STOX2: variants seen among roughly 807,000 people sequenced by gnomAD.
STOX2 encodes storkhead-box protein 2.
STOX2 carries 28 observed loss-of-function variants against 60.9 expected under a neutral mutation model. The observed-to-expected ratio is 0.46, with a 90% CI of 0.34 to 0.63. The LOEUF (loss-of-function observed/expected upper bound fraction) is 0.63, where lower values mean the gene tolerates loss of function less well. Ranked by LOEUF, STOX2 falls within the 30% of genes least tolerant of loss-of-function variation. The pLI is 0.01. For missense variants in STOX2, 1,024 were observed against 1,187.7 expected, an observed-to-expected ratio of 0.86 and a Z score of 2.03; for synonymous variants, 472 against 463.9, an observed-to-expected ratio of 1.02 and a Z score of -0.22.
intron 1 of STOX2, among the ~76,000 whole-genome samples, chr4:183,859,260 A>G (rs1046099674): frequency 3.3e-5 from 5 of 152,268 alleles, no homozygotes; most frequent in Non-Finnish European, 5.9e-5. Flanking sequence ...AGGTCTTGGG[A>G]CTGAAGAGGT....
chr4:184,012,451 A>C (rs1734208352), intron 3 of STOX2, among the ~76,000 whole-genome samples: 1 of 152,246 alleles, frequency 6.6e-6, no homozygotes, highest in Non-Finnish European at 1.5e-5. Context: ...ATTATTAAGA[A>C]TTAAAATTAA....
At chr4:183,859,003 T>G (rs1740367459) in intron 1 of STOX2, among the ~76,000 whole-genome samples, 1 of 152,200 alleles carries the variant, frequency 6.6e-6, no homozygotes, top group East Asian at 1.9e-4. Flanking sequence ...CCTATGGCCC[T>G]CTGCCACCCG....
intron 1 of STOX2, among the ~76,000 whole-genome samples, chr4:183,929,957 G>A (rs532440855): frequency 6.6e-6 from 1 of 151,674 alleles, no homozygotes; most frequent in Non-Finnish European, 1.5e-5. Context: ...TCCGCCTCCC[G>A]GGTTCACGCC....
intron 1 of STOX2, among the ~76,000 whole-genome samples, chr4:183,990,206 A>T (rs1257505842): frequency 2.6e-5 from 4 of 152,060 alleles, no homozygotes; most frequent in African/African-American, 9.7e-5. Flanking sequence ...ATGTCCTCAC[A>T]CCCATCAATT....
chr4:183,918,254 C>T (rs1007701568), intron 1 of STOX2, among the ~76,000 whole-genome samples: 1 of 152,218 alleles, frequency 6.6e-6, no homozygotes, highest in Non-Finnish European at 1.5e-5. Context: ...AGGAAATTCA[C>T]AGAATTATTC....
intron 1 of STOX2, among the ~76,000 whole-genome samples, chr4:183,936,007 G>A (rs1212854450): frequency 1.3e-5 from 2 of 152,166 alleles, no homozygotes; most frequent in African/African-American, 2.4e-5. Flanking sequence ...TGTATTTCAC[G>A]ACATTCGTGG....
In STOX2 at chr4:184,009,274, A is replaced by G. The variant is rs201066279; in HGVS notation, c.436A>G (p.Ile146Val). The change falls in exon 3 of 4, where the codon ATA (isoleucine) becomes GTA (valine). Residue 146 changes from isoleucine to valine, a missense_variant. Ile to Val is a conservative substitution (Grantham distance 29). Around this residue, in one of 3 missense-constraint regions of STOX2, gnomAD observed 922 missense variants for 1,058.3 expected, o/e 0.87. Transcript: ENST00000308497. The surrounding 1 kb of genome is among the most constrained non-coding windows in gnomAD (Gnocchi z 4.0). ...CATCGTGACCCCACAGACTTATTTC[A>G]TAACTCCTTCCCTCATAAGAACTAA... is the stretch of plus-strand genomic sequence containing the variant. ...YFIVTPQTYF[I>V]TPSLIRTNSK... 6 of 1,613,696 alleles carry G rather than the reference A, an allele frequency of 3.7e-6. No individual in the cohort carries two copies. The Admixed American group carries it at 5.0e-5, about 13-fold the overall frequency.
Position 183,906,547 on chromosome 4 carries a change from C to A in STOX2, c.-244C>A. 1 of 267,526 alleles carries A rather than the reference C, an allele frequency of 3.7e-6. No homozygotes were observed. The highest frequency in any genetic ancestry group is 1.5e-4 in the South Asian group (1 of 6,832). 16.6% of individuals were successfully genotyped at this position (267,526 alleles called of 1,614,324 possible). A position where few individuals can be genotyped will look rare whatever the true frequency, so the allele number is the denominator to read the frequency against. On this transcript the variant is annotated 5_prime_UTR_variant, in exon 1 of 4. Transcript: ENST00000308497. ...AGGAATCTGGAAGCTATAAGCCGGG[C>A]GGATTGCAAATGAAGTGTAATGCAT...
At chr4:183,845,238 C>CATA (rs981024087) in intron 1 of STOX2, among the ~76,000 whole-genome samples, 28 of 152,018 alleles carry the variant, frequency 1.8e-4, no homozygotes, top group African/African-American at 6.3e-4. Context: ...GGATAAAGGG[C>CATA]ATAAGGACTA....
intron 1 of STOX2, among the ~76,000 whole-genome samples, chr4:183,880,174 G>A (rs1740926750): frequency 6.6e-6 from 1 of 151,980 alleles, no homozygotes; most frequent in South Asian, 2.1e-4. Flanking sequence ...TAGAGACGGG[G>A]TATCACTGTA....
At chr4:183,904,732 A>G (rs1741541008), upstream of STOX2, among the ~76,000 whole-genome samples, 1 of 152,250 alleles carries the variant, frequency 6.6e-6, no homozygotes, top group Non-Finnish European at 1.5e-5. Flanking sequence ...TCTAGATTTT[A>G]TAATGCCTGT....
At chr4:184,013,477 C>T (rs1734242199) in intron 3 of STOX2, among the ~76,000 whole-genome samples, 2 of 152,182 alleles carry the variant, frequency 1.3e-5, no homozygotes, top group South Asian at 2.1e-4. Context: ...GCATGTCTCC[C>T]CACTAATATT....
At chr4:183,842,409 G>A (rs1206846843) in intron 1 of STOX2, among the ~76,000 whole-genome samples, 2 of 152,134 alleles carry the variant, frequency 1.3e-5, no homozygotes, top group African/African-American at 2.4e-5. Context: ...TCAAGTACCT[G>A]TTAATGGCTC....
At chr4:183,981,722 A>G (rs1732663618) in intron 1 of STOX2, among the ~76,000 whole-genome samples, 1 of 152,154 alleles carries the variant, frequency 6.6e-6, no homozygotes. Context: ...TTATACCACA[A>G]TGTGGTATGG....
intron 1 of STOX2, among the ~76,000 whole-genome samples, chr4:183,883,884 C>T (rs1031614122): frequency 2.7e-5 from 4 of 149,622 alleles, no homozygotes; most frequent in African/African-American, 7.4e-5. Flanking sequence ...TCGAGTCTTG[C>T]TCCATCGCCC....
rs149473076 is a variant in STOX2 at position 183,827,026 on chromosome 4, A to G, written c.364+28971A>G. Among the ~76,000 whole-genome samples the G allele has an allele frequency of 1.5e-3, 228 of 152,340 alleles. 3 individuals are homozygous for G. Among genetic ancestry groups the G allele is most frequent in the African/African-American group, 5.1e-3 (210 of 41,578 alleles). ...ACAGAGCTTTGAGGTATTGGCTGTC[A>G]TTAACACCATCTGAGGAAACTGAGG... On this transcript the variant is annotated intron_variant, in intron 1 of 2. Coordinates refer to the STOX2 transcript ENST00000513034.
intron 1 of STOX2, chr4:183,798,131 C>A (rs116049039): frequency 0.074 from 89,454 of 1,201,152 alleles, 3,770 homozygotes; most frequent in Non-Finnish European, 0.084. Flanking sequence ...GCGGGTGCCC[C>A]GCCCTGCCCC....
At chr4:183,900,243 G>A (rs1741434009) in intron 1 of STOX2, among the ~76,000 whole-genome samples, 1 of 152,202 alleles carries the variant, frequency 6.6e-6, no homozygotes, top group Non-Finnish European at 1.5e-5. Context: ...GGAGATTAAT[G>A]CTGTTTTCAT....
At chr4:183,974,726 G>A (rs1158847002) in intron 1 of STOX2, among the ~76,000 whole-genome samples, 1 of 152,130 alleles carries the variant, frequency 6.6e-6, no homozygotes, top group African/African-American at 2.4e-5. Flanking sequence ...GAATAGAACT[G>A]AAAGGAAAAA....
Sources: gnomAD v4.1 joint callset for allele counts (sites outside exome capture counted in the v4.1 genomes callset) on GRCh38, gnomAD v4.1.1 for gene constraint, gnomAD v4.1.1 regional missense constraint, Gnocchi (gnomAD v3.1) non-coding constraint, MANE v1.5 for transcripts, NCBI Gene and HGNC (gene_info 2026-07-23, HGNC 2026-07-21) for gene names.